Variants in OGFOD3 observed in about 807,000 individuals in gnomAD.
The protein encoded by OGFOD3 is 2-oxoglutarate and iron-dependent oxygenase domain-containing protein 3.
Under a neutral mutation model 39.8 loss-of-function variants are expected in OGFOD3, and 35 were observed. The ratio of observed to expected loss-of-function variants is 0.88; its 90% CI spans 0.67 to 1.17. The LOEUF is 1.17. Among genes scored for constraint, OGFOD3 ranks in the 50% most tolerant of loss-of-function variants. The probability of loss-of-function intolerance (pLI) is 0.00; values close to 1 mark genes in which losing one functional copy is unlikely to be tolerated. For synonymous variants in OGFOD3, 200 were observed against 192.0 expected (o/e 1.04, Z -0.34); for missense variants, 438 against 454.5 (o/e 0.96, Z 0.33).
chr17:82,401,902 C>T (rs776111286), intron 7 of OGFOD3, among the ~76,000 whole-genome samples: 3 of 151,768 alleles, frequency 2.0e-5, no homozygotes, highest in Non-Finnish European at 2.9e-5. Context: ...GCCATTCCTT[C>T]CTCTGTCACA....
At chr17:82,403,162 A>G (rs62079528) in intron 7 of OGFOD3, among the ~76,000 whole-genome samples, 37,239 of 152,160 alleles carry the variant, frequency 0.24, 5,656 homozygotes, top group Non-Finnish European at 0.35. Context: ...AGCAGAGACC[A>G]TCTGCCGTAA....
At chr17:82,405,174 G>A (rs1009061820) in intron 6 of OGFOD3, 150 bp downstream of exon 6, 10 of 655,436 alleles carry the variant, frequency 1.5e-5, no homozygotes, top group South Asian at 5.6e-5. Flanking sequence ...GGCCTGCCCC[G>A]GCCTTTGCTC....
chr17:82,397,994 G>A (rs899726845), intron 8 of OGFOD3, among the ~76,000 whole-genome samples: 8 of 152,000 alleles, frequency 5.3e-5, no homozygotes, highest in South Asian at 4.1e-4. Flanking sequence ...GCTGACTGAC[G>A]GTGACCTCAG....
In OGFOD3 at chr17:82,389,747, T is replaced by G. The variant is rs2143157425; in HGVS notation, c.*2651A>C. The stretch of plus-strand genomic sequence containing the variant: ...CTCCAACTCCTGGGCTCAAGTGATC[T>G]TCCTACCTTGGCCTCCCAAAGTGCT... On this transcript the variant is annotated 3_prime_UTR_variant, in exon 9 of 9. Coordinates refer to ENST00000313056, the MANE Select transcript of OGFOD3 (RefSeq NM_024648.3). The surrounding 1 kb of genome is among the most constrained non-coding windows in gnomAD (Gnocchi z 4.6). 1 of 152,346 alleles carries G rather than the reference T, an allele frequency of 6.6e-6. No homozygotes were observed. The highest frequency in any genetic ancestry group is 1.9e-4 in the East Asian group (1 of 5,192). 9.4% of individuals were successfully genotyped at this position (152,346 alleles called of 1,614,324 possible).
chr17:82,409,439 G>C, intron 3 of OGFOD3, 29 bp from the exon 4 acceptor site: 6 of 1,610,874 alleles, frequency 3.7e-6, no homozygotes, highest in Non-Finnish European at 5.1e-6. Context: ...TCAGAATTTC[G>C]TTGCTAGAAT....
At chr17:82,402,250 C>T (rs1346573375) in intron 7 of OGFOD3, among the ~76,000 whole-genome samples, 9 of 150,750 alleles carry the variant, frequency 6.0e-5, no homozygotes, top group African/African-American at 2.0e-4. Flanking sequence ...GCCTGGCCAA[C>T]ATGGTGAAAC....
chr17:82,403,809 A>AC lies in OGFOD3; in HGVS notation c.699+127dup. The AC allele has an allele frequency of 3.8e-6, 5 of 1,307,004 alleles. No individual in the cohort carries two copies. In the South Asian group the frequency reaches 6.5e-5, roughly 17 times the overall value. The allele number at this position is 1,307,004 out of a possible 1,614,324, so 81.0% of individuals were successfully genotyped here. A position where few individuals can be genotyped will look rare whatever the true frequency, so the allele number is the denominator to read the frequency against. ...ACTCACCCTGCCCACGTACGCACTC[A>AC]CCCTGCCCACGGGCACGCTCACCTT... On this transcript the variant is annotated intron_variant, in intron 7 of 8. Transcript: ENST00000313056.
intron 4 of OGFOD3, among the ~76,000 whole-genome samples, chr17:82,408,362 A>T: frequency 6.6e-6 from 1 of 152,208 alleles, no homozygotes; most frequent in East Asian, 1.9e-4. Context: ...TCTTCAGACA[A>T]TTCCACACAC....
At position 82,406,669 on chromosome 17, in the gene OGFOD3, A is replaced by G. The variant is rs920011741; in HGVS notation, c.424-187T>C. ...GCCCAGGCTAGGGCGCAGTGGCACA[A>G]TCTCAGCTCATTGCAGCCTCAATAT... On this transcript the variant is annotated intron_variant, in intron 4 of 8. Coordinates refer to ENST00000313056, the MANE Select transcript of OGFOD3 (RefSeq NM_024648.3). The surrounding 1 kb of genome is among the most constrained non-coding windows in gnomAD (Gnocchi z 5.2). Among the ~76,000 whole-genome samples, 6 of 152,120 alleles carry G rather than the reference A, an allele frequency of 3.9e-5. No homozygotes were observed. Among genetic ancestry groups the G allele is most frequent in the African/African-American group, 1.4e-4 (6 of 41,414 alleles).
At position 82,418,436 on chromosome 17, in the gene OGFOD3, G is replaced by C; in HGVS notation, c.50C>G (p.Ala17Gly). 1 of 1,477,924 alleles carries C rather than the reference G, an allele frequency of 6.8e-7. No homozygotes were observed. The highest frequency in any genetic ancestry group is 8.9e-7 in the Non-Finnish European group (1 of 1,120,196). 91.6% of individuals were successfully genotyped at this position (1,477,924 alleles called of 1,614,324 possible). A position where few individuals can be genotyped will look rare whatever the true frequency, so the allele number is the denominator to read the frequency against. ...CCTGCTCCGGTTCCGGCGCTCGGCC[G>C]CTCCGTTGCCCTCGGGCGCCTTGGT... ...AATKAPEGNGAAERRNRSSTK... is the reference protein window; with the variant it reads ...AATKAPEGNGGAERRNRSSTK... The change falls in exon 1 of 9, where the codon GCG becomes GGG. Residue 17 changes from alanine to glycine, a missense_variant. Physicochemically the swap from Ala to Gly is moderately conservative, Grantham distance 60. Transcript: ENST00000313056.
rs2052609081 is a variant in OGFOD3, at chr17:82,392,419, G to A, written c.939C>T (p.Ile313=). Reference sequence around the variant, plus strand: ...CTGGCTACGGGAACGCTGGGTCCTCGATGCCATGGTCGGGGTTGCAGCTGA... The same window carrying A: ...CTGGCTACGGGAACGCTGGGTCCTCAATGCCATGGTCGGGGTTGCAGCTGA... ...IAFSCNPDHG[I]EDPAFP The change falls in exon 9 of 9, where the codon ATC becomes ATT. Residue 313 remains isoleucine (I), a synonymous_variant. Transcript: ENST00000313056. The surrounding 1 kb of genome is among the most constrained non-coding windows in gnomAD (Gnocchi z 4.2). 1.2e-6 allele frequency: 2 copies of A among 1,612,248 alleles called. No individual in the cohort carries two copies. The highest frequency in any genetic ancestry group is 1.7e-6 in the Non-Finnish European group (2 of 1,179,578).
In OGFOD3 at chr17:82,411,700, AC is replaced by A. The variant is rs1379108858; in HGVS notation, c.305-171del. 17 of 570,090 alleles carry A rather than the reference AC, an allele frequency of 3.0e-5. No individual in the cohort carries two copies. In the East Asian group the frequency reaches 5.1e-4, roughly 17 times the overall value. The allele number at this position is 570,090 out of a possible 1,614,324, so 35.3% of individuals were successfully genotyped here. A position where few individuals can be genotyped will look rare whatever the true frequency, so the allele number is the denominator to read the frequency against. ...GCTTTGTGCGGTGCATCTGGAGTTC[AC>A]GTCTCACTGGGCCACCTTGGCTTCC... On this transcript the variant is annotated intron_variant, in intron 2 of 8. Transcript: ENST00000313056.
intron 7 of OGFOD3, 133 bp downstream of exon 7, chr17:82,403,783 TACTCACCCTGCCCACGTACGC>T (rs1413378583): frequency 2.4e-5 from 18 of 747,598 alleles, no homozygotes; most frequent in South Asian, 6.6e-5. Flanking sequence ...CCCACGTGCG[TACTCACCCTGCCCACGTACGC>T]ACTCACCCTG....
intron 7 of OGFOD3, among the ~76,000 whole-genome samples, chr17:82,400,157 A>G (rs1446557841): frequency 2.0e-5 from 3 of 152,086 alleles, no homozygotes; most frequent in African/African-American, 7.2e-5. Context: ...AATCCGCTGT[A>G]AGGAAGCCCA....
chr17:82,398,888 A>T (rs55924465), intron 7 of OGFOD3, among the ~76,000 whole-genome samples: 79,442 of 139,282 alleles, frequency 0.57, 21,922 homozygotes, highest in South Asian at 0.71. Flanking sequence ...TTTCTTTTCT[A>T]TTTTTTTTTT....
At chr17:82,396,537 C>T (rs1199882257) in intron 8 of OGFOD3, 3 of 152,232 alleles carry the variant, frequency 2.0e-5, no homozygotes, top group African/African-American at 7.2e-5. Context: ...TACAATTAGA[C>T]AGACACATGC....
rs770360209 is a variant in OGFOD3, at chr17:82,404,190, G to A, written c.546-100C>T. On this transcript the variant is annotated intron_variant, in intron 6 of 8. Coordinates refer to ENST00000313056, the MANE Select transcript of OGFOD3 (RefSeq NM_024648.3). The surrounding 1 kb of genome is among the most constrained non-coding windows in gnomAD (Gnocchi z 4.5). ...CAGGAAAGGAACCAGCCTTCGTACG[G>A]CTCCGGGCCCGCGGGGCGGGGGCTC... The A allele has an allele frequency of 4.9e-5, 66 of 1,354,800 alleles. No individual in the cohort carries two copies. Among genetic ancestry groups the A allele is most frequent in the Non-Finnish European group, 6.1e-5 (62 of 1,021,672 alleles). 83.9% of individuals were successfully genotyped at this position (1,354,800 alleles called of 1,614,324 possible).
At chr17:82,395,753 G>A (rs979708566) in intron 8 of OGFOD3, among the ~76,000 whole-genome samples, 8 of 152,148 alleles carry the variant, frequency 5.3e-5, no homozygotes, top group African/African-American at 9.7e-5. Context: ...TCCGGGAGGC[G>A]GAGCTTGCAG....
chr17:82,402,769 G>C (rs1381358467), intron 7 of OGFOD3, among the ~76,000 whole-genome samples: 1 of 149,722 alleles, frequency 6.7e-6, no homozygotes, highest in East Asian at 2.0e-4. Context: ...AGAAAGAAAA[G>C]AAATGGGATG....
Sources: gnomAD v4.1 joint callset for allele counts (sites outside exome capture counted in the v4.1 genomes callset) on GRCh38, gnomAD v4.1.1 for gene constraint, Gnocchi (gnomAD v3.1) non-coding constraint, MANE v1.5 for transcripts, NCBI Gene and HGNC (gene_info 2026-07-23, HGNC 2026-07-21) for gene names.